The following ABL1 variants were observed in gnomAD, a reference collection of about 807,000 sequenced individuals.
ABL1 encodes the protein ABL proto-oncogene 1, non-receptor tyrosine kinase, also known as tyrosine-protein kinase ABL1.
In ABL1, 11 loss-of-function variants were observed where a neutral mutation model predicts 94.7. The ratio of observed to expected loss-of-function variants is 0.12; its 90% confidence interval spans 0.07 to 0.19. The LOEUF (loss-of-function observed/expected upper bound fraction) is 0.19. ABL1 is among the 10% of genes least tolerant of loss of function. The pLI is 1.00. For missense variants in ABL1, 1,082 were observed against 1,489.4 expected (o/e 0.73, Z 4.50); for synonymous variants, 656 against 622.4 (o/e 1.05, Z -0.80).
Position 130,863,101 on chromosome 9 carries a change from G to A in ABL1, c.822+66G>A, listed in dbSNP as rs1831102421. Reference sequence around the variant, plus strand: ...AAGGCGTCTGCTGGCATTAGGCGATGCATCTGCCTGGAAGTCTACCTCCTG... The same window carrying A: ...AAGGCGTCTGCTGGCATTAGGCGATACATCTGCCTGGAAGTCTACCTCCTG... On this transcript the variant is annotated intron_variant, in intron 4 of 10. Coordinates refer to ENST00000318560, the MANE Select transcript of ABL1 (RefSeq NM_005157.6). The surrounding 1 kb of genome is among the most constrained non-coding windows in gnomAD (Gnocchi z 4.3). The A allele has an allele frequency of 6.7e-7, 1 of 1,489,968 alleles. No individual in the cohort carries two copies. The highest frequency in any genetic ancestry group is 9.0e-7 in the Non-Finnish European group (1 of 1,114,502). The allele number at this position is 1,489,968 out of a possible 1,614,324, so 92.3% of individuals were successfully genotyped here.
rs923776364 is a variant in ABL1 at position 130,828,081 on chromosome 9, T to TTTTA, written c.137-25963_137-25960dup. On this transcript the variant is annotated intron_variant, in intron 1 of 10. Coordinates refer to the ABL1 transcript ENST00000372348. ...TAAGAATAAAAATGAATTATTTTTC[T>TTTTA]TTTATTTATTTATTTATTTATTTTT... is the stretch of plus-strand genomic sequence containing the variant. Among the ~76,000 whole-genome samples, 23 of 151,810 alleles carry TTTTA rather than the reference T, an allele frequency of 1.5e-4. 1 individual carries two copies. The highest frequency in any genetic ancestry group is 4.1e-4 in the South Asian group (2 of 4,828).
chr9:130,877,241 T>C (rs1283011875), intron 7 of ABL1, among the ~76,000 whole-genome samples: 1 of 148,508 alleles, frequency 6.7e-6, no homozygotes, highest in African/African-American at 2.6e-5. Flanking sequence ...AATGACAAGC[T>C]ATTGCAGGTT....
At position 130,862,273 on chromosome 9, in the gene ABL1, G is replaced by A. The variant is rs1233180581; in HGVS notation, c.550-490G>A. Reference sequence around the variant, plus strand: ...AACATTGGAATGAAGACAGCTTAGGGTTCTGCTTTCATGAAGCTTGCATGC... The same window carrying A: ...AACATTGGAATGAAGACAGCTTAGGATTCTGCTTTCATGAAGCTTGCATGC... On this transcript the variant is annotated intron_variant, in intron 3 of 10. Coordinates refer to ENST00000318560, the MANE Select transcript of ABL1 (RefSeq NM_005157.6). This position sits in a 1 kb window ranked among gnomAD's most constrained non-coding sequence, Gnocchi z 5.5. Among the ~76,000 whole-genome samples, 1 of 152,214 alleles carries A rather than the reference G, an allele frequency of 6.6e-6. No individual in the cohort carries two copies. Among genetic ancestry groups the A allele is most frequent in the East Asian group, 1.9e-4 (1 of 5,200 alleles).
intron 10 of ABL1, among the ~76,000 whole-genome samples, chr9:130,882,198 A>G (rs1236929433): frequency 1.3e-5 from 2 of 152,106 alleles, no homozygotes; most frequent in Admixed American, 1.3e-4. Flanking sequence ...CCCAGTGATC[A>G]GCAGTCATGT....
At chr9:130,783,767 T>G (rs1050697878) in intron 1 of ABL1, among the ~76,000 whole-genome samples, 3 of 152,182 alleles carry the variant, frequency 2.0e-5, no homozygotes, top group African/African-American at 7.2e-5. Context: ...GCGATTCTCC[T>G]GCCTCAGCCT....
chr9:130,758,462 T>G (rs1448743545), intron 1 of ABL1, among the ~76,000 whole-genome samples: 1 of 147,648 alleles, frequency 6.8e-6, no homozygotes, highest in East Asian at 2.0e-4. Flanking sequence ...AGACGGAGTC[T>G]CACTCTGTTG....
chr9:130,837,981 T>A (rs1422917450), intron 1 of ABL1, among the ~76,000 whole-genome samples: 1 of 152,258 alleles, frequency 6.6e-6, no homozygotes, highest in Non-Finnish European at 1.5e-5. Context: ...TGGTGCATGC[T>A]ACCTGCTACT....
At chr9:130,847,666 A>AT (rs1830794267) in intron 1 of ABL1, among the ~76,000 whole-genome samples, 2 of 152,222 alleles carry the variant, frequency 1.3e-5, no homozygotes, top group South Asian at 4.1e-4. Flanking sequence ...GTCCAGAGGC[A>AT]TGCATGAGCA....
At chr9:130,836,194 G>A (rs114612141) in intron 1 of ABL1, among the ~76,000 whole-genome samples, 2,615 of 152,262 alleles carry the variant, frequency 0.017, 89 homozygotes, top group African/African-American at 0.059. Flanking sequence ...GCGTTTCCAA[G>A]GAGTCCCCCA....
At chr9:130,731,067 T>G (rs1251273891) in intron 1 of ABL1, among the ~76,000 whole-genome samples, 1 of 132,526 alleles carries the variant, frequency 7.5e-6, no homozygotes, top group Non-Finnish European at 1.6e-5. Context: ...ATTACAGTGG[T>G]GTGATCTCGG....
intron 1 of ABL1, among the ~76,000 whole-genome samples, chr9:130,757,116 C>T (rs780443417): frequency 6.6e-6 from 1 of 152,092 alleles, no homozygotes; most frequent in Non-Finnish European, 1.5e-5. Context: ...AACCTGAGGC[C>T]GGCTGTGTTC....
At chr9:130,768,092 G>A (rs150573907) in intron 1 of ABL1, among the ~76,000 whole-genome samples, 331 of 152,192 alleles carry the variant, frequency 2.2e-3, no homozygotes, top group African/African-American at 7.5e-3. Flanking sequence ...CTGAGTAGCC[G>A]CTGCTCTCTT....
chr9:130,727,639 A>G (rs367874836), intron 1 of ABL1, among the ~76,000 whole-genome samples: 6 of 150,824 alleles, frequency 4.0e-5, no homozygotes, highest in South Asian at 2.1e-4. Flanking sequence ...GCAGCTGCCT[A>G]TAGCTACTCG....
chr9:130,725,019 C>T (rs1024915387), intron 1 of ABL1: 14 of 246,574 alleles, frequency 5.7e-5, no homozygotes, highest in South Asian at 4.8e-4. Context: ...CATATTGCAA[C>T]GCTTTTCAAA....
At chr9:130,723,227 A>G (rs1831538162) in intron 1 of ABL1, among the ~76,000 whole-genome samples, 1 of 152,038 alleles carries the variant, frequency 6.6e-6, no homozygotes, top group African/African-American at 2.4e-5. Flanking sequence ...TGTGCCCCTG[A>G]TGTCACTCCC....
At chr9:130,783,236 G>A (rs1008674546) in intron 1 of ABL1, among the ~76,000 whole-genome samples, 1 of 152,220 alleles carries the variant, frequency 6.6e-6, no homozygotes, top group African/African-American at 2.4e-5. Context: ...CCAGTGTTAA[G>A]TGTAACTCTC....
chr9:130,822,901 G>A (rs1395331148), intron 1 of ABL1, among the ~76,000 whole-genome samples: 2 of 151,854 alleles, frequency 1.3e-5, no homozygotes, highest in Non-Finnish European at 2.9e-5. Context: ...GGGTTCAAGC[G>A]ATTCTTCTGC....
At chr9:130,816,748 C>T (rs1187847566) in intron 1 of ABL1, among the ~76,000 whole-genome samples, 1 of 152,192 alleles carries the variant, frequency 6.6e-6, no homozygotes, top group Non-Finnish European at 1.5e-5. Flanking sequence ...ATCGCCCAGG[C>T]TGGACTGCAG....
chr9:130,827,749 A>G (rs1054896885), intron 1 of ABL1, among the ~76,000 whole-genome samples: 2 of 151,742 alleles, frequency 1.3e-5, no homozygotes, highest in East Asian at 1.9e-4. Flanking sequence ...ACAAAAATTA[A>G]CTGAACATGG....
Sources: gnomAD v4.1 joint callset for allele counts (sites outside exome capture counted in the v4.1 genomes callset) on GRCh38, gnomAD v4.1.1 for gene constraint, Gnocchi (gnomAD v3.1) non-coding constraint, MANE v1.5 for transcripts, NCBI Gene and HGNC (gene_info 2026-07-23, HGNC 2026-07-21) for gene names.